The following METTL4 variants were observed in gnomAD, a reference collection of about 807,000 sequenced individuals.
METTL4 encodes the protein N(6)-adenine-specific methyltransferase METTL4.
METTL4 carries 40 observed loss-of-function variants against 54.0 expected under a neutral mutation model. That is an observed-to-expected ratio of 0.74 (90% confidence interval 0.58 to 0.96). METTL4 has a LOEUF of 0.96. METTL4 is among the 50% of genes least tolerant of loss of function. The pLI is 0.00. For synonymous variants in METTL4, 169 were observed against 183.8 expected, an observed-to-expected ratio of 0.92 and a Z score of 0.65; for missense variants, 525 against 549.0, an observed-to-expected ratio of 0.96 and a Z score of 0.44.
rs574703419 is a variant in METTL4, at chr18:2,544,755, G to T, written c.1079C>A (p.Thr360Asn). Residue 360 changes from threonine to asparagine, a missense_variant, in exon 7 of 9, where the codon ACC (threonine) becomes AAC (asparagine). Physicochemically the swap from Thr to Asn is moderately conservative, Grantham distance 65. Transcript: ENST00000574538. ...VVAEWHWVKI[T>N]NSGEFVFPLD... ...TGGGAACACAAATTCTCCTGAATTG[G>T]TTATCTGATAGGAAGGAGCCAACAA... The T allele has an allele frequency of 3.7e-6, 6 of 1,608,538 alleles. No homozygotes were observed. The South Asian group carries it at 6.6e-5, about 18-fold the overall frequency.
intron 6 of METTL4, among the ~76,000 whole-genome samples, 158 bp from the exon 7 acceptor site, chr18:2,544,917 A>G (rs189855682): frequency 5.3e-5 from 8 of 150,910 alleles, no homozygotes; most frequent in Admixed American, 3.3e-4. Flanking sequence ...AGAAACACCA[A>G]AAGAAGTAAA....
In METTL4 at chr18:2,538,971, A is replaced by AACTT. The variant is rs1434146805; in HGVS notation, c.*28_*29insAAGT. 2 of 1,599,246 alleles carry AACTT rather than the reference A, an allele frequency of 1.3e-6. No homozygotes were observed. Among genetic ancestry groups the AACTT allele is most frequent in the African/African-American group, 2.7e-5 (2 of 74,468 alleles). ...GGGAAAAGTGGTGAGGAAACAATGA[A>AACTT]GAAACCACTACTTTAATCAAGATCA... On this transcript the variant is annotated 3_prime_UTR_variant, in exon 9 of 9. Coordinates refer to ENST00000574538, the MANE Select transcript of METTL4 (RefSeq NM_022840.5).
chr18:2,545,956 T>C (rs935477648), intron 6 of METTL4, among the ~76,000 whole-genome samples: 26 of 152,140 alleles, frequency 1.7e-4, no homozygotes, highest in African/African-American at 6.0e-4. Context: ...TTTCTATGTA[T>C]TAACATTTTA....
rs761863668 is a variant in METTL4 at position 2,544,675 on chromosome 18, C to T, written c.1159G>A (p.Glu387Lys). Reference protein sequence around the residue: ...YEGLILGRVQEKTALPLRNAD... With the variant: ...YEGLILGRVQKKTALPLRNAD... ...TACCTCAATGGTAGAGCAGTTTTTT[C>T]TTGAACCCTCCCCAGTATAAGACCT... The change falls in exon 7 of 9, where the codon GAA becomes AAA. Residue 387 changes from glutamate (E) to lysine (K), a missense_variant. Coordinates refer to ENST00000574538, the MANE Select transcript of METTL4 (RefSeq NM_022840.5). 5.6e-6 allele frequency: 9 copies of T among 1,610,488 alleles called. No individual in the cohort carries two copies. The East Asian group carries it at 2.0e-4, about 36-fold the overall frequency.
intron 8 of METTL4, chr18:2,539,729 G>A (rs937673873): frequency 5.1e-6 from 3 of 591,290 alleles, no homozygotes; most frequent in Non-Finnish European, 6.4e-6. Context: ...CAATCCACTC[G>A]CCTCGGCCTC....
In METTL4 at chr18:2,538,941, A is replaced by C. The variant is rs2071950857; in HGVS notation, c.*59T>G. On this transcript the variant is annotated 3_prime_UTR_variant, in exon 9 of 9. Coordinates refer to ENST00000574538, the MANE Select transcript of METTL4 (RefSeq NM_022840.5). ...TAACAAAATAAAAAAATGACTTAGA[A>C]TTAAGGGAAAAGTGGTGAGGAAACA... The C allele has an allele frequency of 6.4e-7, 1 of 1,554,368 alleles. No homozygotes were observed. Among genetic ancestry groups the C allele is most frequent in the African/African-American group, 1.4e-5 (1 of 72,438 alleles).
chr18:2,547,066 G>A lies in METTL4; in HGVS notation c.1074+289C>T, dbSNP rs557233495. Among the ~76,000 whole-genome samples, 418 of 152,178 alleles carry A rather than the reference G, an allele frequency of 2.7e-3. 3 individuals are homozygous for A. The highest frequency in any genetic ancestry group is 4.6e-3 in the Non-Finnish European group (313 of 67,956). ...ACACAATTCCCCAAAGTTTTTGTTT[G>A]TTGTTTTTTAAACTACAGACAAAAT... On this transcript the variant is annotated intron_variant, in intron 6 of 8. Coordinates refer to ENST00000574538, the MANE Select transcript of METTL4 (RefSeq NM_022840.5).
rs554543430 is a variant in METTL4, at chr18:2,545,158, T to C, written c.1075-399A>G. ...GTGTCACATGTGTTAGTGGCTACCA[T>C]ATTAGACACTGCTTCTATAAGAGAT... On this transcript the variant is annotated intron_variant, in intron 6 of 8. Coordinates refer to ENST00000574538, the MANE Select transcript of METTL4 (RefSeq NM_022840.5). 3.3e-5 allele frequency among the ~76,000 whole-genome samples: 5 copies of C among 152,256 alleles called. No individual in the cohort carries two copies. In the South Asian group the frequency reaches 1.0e-3, roughly 32 times the overall value.
At chr18:2,552,325 T>C (rs547397406) in intron 5 of METTL4, among the ~76,000 whole-genome samples, 1 of 152,228 alleles carries the variant, frequency 6.6e-6, no homozygotes, top group South Asian at 2.1e-4. Flanking sequence ...AAAAACAAAT[T>C]TAAGAATGAA....
At chr18:2,561,733 A>G (rs1257890899) in intron 3 of METTL4, 1 of 152,234 alleles carries the variant, frequency 6.6e-6, no homozygotes, top group African/African-American at 2.4e-5. Context: ...AGCACATTTC[A>G]TAATTTGTAT....
chr18:2,550,811 T>A (rs554642900), intron 5 of METTL4, among the ~76,000 whole-genome samples: 168 of 152,346 alleles, frequency 1.1e-3, no homozygotes, highest in Non-Finnish European at 2.0e-3. Context: ...ACAAAGGACA[T>A]TCCTGGGACA....
chr18:2,552,794 A>C, intron 4 of METTL4, 30 bp from the exon 5 acceptor site: 1 of 1,449,336 alleles, frequency 6.9e-7, no homozygotes, highest in Non-Finnish European at 9.7e-7. Context: ...TTCAGAAAAT[A>C]CCTTCTCTAT....
chr18:2,544,115 G>T, intron 8 of METTL4, 80 bp downstream of exon 8: 1 of 1,055,920 alleles, frequency 9.5e-7, no homozygotes, highest in Non-Finnish European at 1.4e-6. Flanking sequence ...TTCCGAATCT[G>T]TAGGCCGTTT....
intron 2 of METTL4, among the ~76,000 whole-genome samples, chr18:2,564,409 A>G (rs1482842654): frequency 6.6e-6 from 1 of 152,212 alleles, no homozygotes; most frequent in Non-Finnish European, 1.5e-5. Flanking sequence ...CAAGGAAACT[A>G]TGACACCGTA....
intron 4 of METTL4, 115 bp downstream of exon 4, chr18:2,554,554 G>C: frequency 1.1e-6 from 1 of 913,464 alleles, no homozygotes; most frequent in Non-Finnish European, 1.7e-6. Flanking sequence ...CCAAGGAAAA[G>C]TGTCTACCCT....
chr18:2,567,982 C>G (rs1314853936), intron 1 of METTL4, among the ~76,000 whole-genome samples: 1 of 152,210 alleles, frequency 6.6e-6, no homozygotes, highest in East Asian at 1.9e-4. Flanking sequence ...AGCAGTACCC[C>G]TTGGATAACT....
rs1408478104 is a variant in METTL4 at position 2,537,576 on chromosome 18, A to G, written c.*1424T>C. ...TTTAATACCTTTTTCCTTTTAAATA[A>G]CAAGTTAGAATAGCTCCATAAATAC... On this transcript the variant is annotated 3_prime_UTR_variant, in exon 9 of 9. Coordinates refer to ENST00000574538, the MANE Select transcript of METTL4 (RefSeq NM_022840.5). 3.7e-6 allele frequency: 1 copy of G among 268,772 alleles called. No individual in the cohort carries two copies. The highest frequency in any genetic ancestry group is 6.4e-5 in the East Asian group (1 of 15,700). The allele number at this position is 268,772 out of a possible 1,614,324, so 16.6% of individuals were successfully genotyped here. A position where few individuals can be genotyped will look rare whatever the true frequency, so the allele number is the denominator to read the frequency against.
At chr18:2,564,897 A>G (rs1303240309) in intron 2 of METTL4, among the ~76,000 whole-genome samples, 1 of 152,192 alleles carries the variant, frequency 6.6e-6, no homozygotes, top group Non-Finnish European at 1.5e-5. Context: ...TGAATTACTT[A>G]TATTACAACA....
At chr18:2,555,803 T>TGTTG (rs35864755) in intron 3 of METTL4, among the ~76,000 whole-genome samples, 15,488 of 151,352 alleles carry the variant, frequency 0.1, 1,414 homozygotes, top group African/African-American at 0.25. Flanking sequence ...TTGTTTGTTT[T>TGTTG]GTTGGTTGGT....
Sources: allele counts gnomAD v4.1 joint callset (sites outside exome capture counted in the v4.1 genomes callset), GRCh38; gene constraint gnomAD v4.1.1; transcripts MANE v1.5; gene names NCBI Gene and HGNC (gene_info 2026-07-23, HGNC 2026-07-21).